RANBP2: variants seen among roughly 807,000 people sequenced by gnomAD.
RANBP2 encodes the protein E3 SUMO-protein ligase RanBP2.
Under a neutral mutation model 303.6 loss-of-function variants are expected in RANBP2, and 57 were observed. The observed-to-expected ratio is 0.19, with a 90% CI of 0.15 to 0.23. RANBP2 has a LOEUF of 0.23. RANBP2 is among the 10% of genes least tolerant of loss of function. The pLI is 1.00. For missense variants in RANBP2, 3,138 were observed against 3,780.8 expected (o/e 0.83, Z 4.46); for synonymous variants, 1,167 against 1,301.5 (o/e 0.90, Z 2.23).
chr2:108,823,988 G>A, the RANBP2 span, among the ~76,000 whole-genome samples: 2 of 150,560 alleles, frequency 1.3e-5, no homozygotes, highest in African/African-American at 4.9e-5. Context: ...AGAAAAAAAA[G>A]GGAGGGGTGG....
the RANBP2 span, among the ~76,000 whole-genome samples, chr2:109,629,143 A>C: frequency 6.6e-6 from 1 of 151,274 alleles, no homozygotes; most frequent in African/African-American, 2.4e-5. Flanking sequence ...CGGATGTTGC[A>C]GTGAGCTGAG....
chr2:108,809,123 T>C, the RANBP2 span, among the ~76,000 whole-genome samples: 1 of 152,182 alleles, frequency 6.6e-6, no homozygotes, highest in South Asian at 2.1e-4. Context: ...ATCAGTTGGC[T>C]GTAAATGTGT....
At chr2:109,284,687 G>A in the RANBP2 span, among the ~76,000 whole-genome samples, 1 of 152,128 alleles carries the variant, frequency 6.6e-6, no homozygotes, top group Non-Finnish European at 1.5e-5. Context: ...ATTTTTTTGA[G>A]ACCCTTCCCA....
chr2:109,661,246 CT>C, the RANBP2 span, among the ~76,000 whole-genome samples: 99,563 of 137,558 alleles, frequency 0.72, 35,976 homozygotes, highest in Middle Eastern at 0.82. Flanking sequence ...AGTAGAAGGG[CT>C]TTTTTTTTTT....
At chr2:109,548,169 G>T in the RANBP2 span, among the ~76,000 whole-genome samples, 5 of 121,504 alleles carry the variant, frequency 4.1e-5, no homozygotes, top group Non-Finnish European at 5.0e-5. Flanking sequence ...TTTAATTGTG[G>T]CTTACCTCAA....
chr2:108,925,081 G>A, the RANBP2 span, among the ~76,000 whole-genome samples: 1 of 151,834 alleles, frequency 6.6e-6, no homozygotes, highest in African/African-American at 2.4e-5. Context: ...CCACCTAGGG[G>A]GATTGGTCCC....
At chr2:109,196,290 C>G in the RANBP2 span, among the ~76,000 whole-genome samples, 1 of 152,194 alleles carries the variant, frequency 6.6e-6, no homozygotes, top group African/African-American at 2.4e-5. Context: ...CTGCTCCAGG[C>G]CAGCAGCCCT....
At chr2:109,307,430 T>TTTA in the RANBP2 span, among the ~76,000 whole-genome samples, 10 of 132,290 alleles carry the variant, frequency 7.6e-5, no homozygotes, top group Admixed American at 5.8e-4. Context: ...ACTTTTTTTT[T>TTTA]TTATTATTAT....
the RANBP2 span, chr2:109,585,796 C>G: frequency 1.2e-6 from 2 of 1,613,730 alleles, no homozygotes; most frequent in Non-Finnish European, 1.7e-6. Flanking sequence ...CTCTCAAAAC[C>G]AACATGGCCA....
chr2:109,424,098 C>T, the RANBP2 span, among the ~76,000 whole-genome samples: 5 of 152,148 alleles, frequency 3.3e-5, no homozygotes, highest in African/African-American at 1.2e-4. Flanking sequence ...GCTGGGTTTC[C>T]TGGAGGCAGG....
the RANBP2 span, among the ~76,000 whole-genome samples, chr2:109,596,666 A>G: frequency 7.2e-5 from 11 of 151,986 alleles, no homozygotes; most frequent in African/African-American, 2.4e-4. Context: ...CTCATTTGCC[A>G]TTAAACTTAA....
chr2:109,508,386 G>A, the RANBP2 span, among the ~76,000 whole-genome samples: 9 of 152,216 alleles, frequency 5.9e-5, no homozygotes, highest in South Asian at 2.1e-4. Flanking sequence ...GCTCATGACC[G>A]GGCAGACAAA....
At chr2:109,692,690 C>T in the RANBP2 span, among the ~76,000 whole-genome samples, 1 of 152,172 alleles carries the variant, frequency 6.6e-6, no homozygotes, top group East Asian at 1.9e-4. Flanking sequence ...CATTTGGTTT[C>T]CCAAGAAGCA....
the RANBP2 span, among the ~76,000 whole-genome samples, chr2:109,603,746 G>C: frequency 5.9e-5 from 9 of 152,320 alleles, no homozygotes; most frequent in African/African-American, 1.9e-4. Flanking sequence ...AAAGGCTTGA[G>C]CAGAGACTTG....
chr2:108,832,267 T>G, the RANBP2 span, among the ~76,000 whole-genome samples: 1 of 151,772 alleles, frequency 6.6e-6, no homozygotes, highest in African/African-American at 2.4e-5. Context: ...CCTCAAGTGA[T>G]CTGCCTGCCT....
intron 17 of RANBP2, among the ~76,000 whole-genome samples, chr2:108,756,568 T>G (rs1480852027): frequency 6.6e-6 from 1 of 152,218 alleles, no homozygotes; most frequent in Non-Finnish European, 1.5e-5. Context: ...ACAAAAATTT[T>G]GAATGTTAAT....
intron 23 of RANBP2, among the ~76,000 whole-genome samples, chr2:108,773,749 T>C (rs2149304581): frequency 6.6e-6 from 1 of 151,714 alleles, no homozygotes; most frequent in East Asian, 2.0e-4. Context: ...CAGGTTCAAG[T>C]GATTCTCCTG....
the RANBP2 span, among the ~76,000 whole-genome samples, chr2:109,436,227 C>T: frequency 1.3e-5 from 2 of 152,218 alleles, no homozygotes; most frequent in African/African-American, 4.8e-5. Context: ...CTTCCAAACC[C>T]CTAACTCTGC....
intron 18 of RANBP2, among the ~76,000 whole-genome samples, chr2:108,761,547 C>T (rs1340840458): frequency 2.0e-5 from 3 of 152,140 alleles, no homozygotes; most frequent in Non-Finnish European, 4.4e-5. Context: ...TGTACATCAG[C>T]ATGAGTGTTG....
Sources: allele counts gnomAD v4.1 joint callset (sites outside exome capture counted in the v4.1 genomes callset), GRCh38; gene constraint gnomAD v4.1.1; transcripts MANE v1.5; gene names NCBI Gene and HGNC (gene_info 2026-07-23, HGNC 2026-07-21).